GNG4: variants seen among roughly 807,000 people sequenced by gnomAD.
GNG4 encodes the protein guanine nucleotide-binding protein G(I)/G(S)/G(O) subunit gamma-4.
A neutral mutation model predicts 5.8 loss-of-function variants in GNG4; 4 were observed. The ratio of observed to expected loss-of-function variants is 0.69; its 90% CI spans 0.34 to 1.57. The LOEUF is 1.57. Among genes scored for constraint, GNG4 ranks in the 40% most tolerant of loss-of-function variants. The pLI is 0.06. For missense variants in GNG4, 96 were observed against 95.1 expected, an observed-to-expected ratio of 1.01 and a Z score of -0.04; for synonymous variants, 29 against 32.9, an observed-to-expected ratio of 0.88 and a Z score of 0.41.
chr1:235,583,612 C>T (rs942141523), intron 3 of GNG4, 128 bp downstream of exon 3: 5 of 620,982 alleles, frequency 8.1e-6, no homozygotes, highest in Non-Finnish European at 1.5e-5. Flanking sequence ...GTAAATGTTA[C>T]AGCTGCCAAG....
chr1:235,624,277 A>G (rs952859670), intron 1 of GNG4, among the ~76,000 whole-genome samples: 1 of 139,666 alleles, frequency 7.2e-6, no homozygotes, highest in South Asian at 2.3e-4. Flanking sequence ...TAATTTTTGT[A>G]TTTTTTTTTT....
At chr1:235,558,269 G>A (rs766205889) in intron 3 of GNG4, among the ~76,000 whole-genome samples, 5 of 152,120 alleles carry the variant, frequency 3.3e-5, no homozygotes, top group South Asian at 2.1e-4. Flanking sequence ...GCCCACTTAC[G>A]CACAGCTGCA....
chr1:235,587,293 G>GGCGA (rs1553367422), intron 2 of GNG4, among the ~76,000 whole-genome samples: 1 of 86,738 alleles, frequency 1.2e-5, no homozygotes, highest in Admixed American at 1.3e-4. Flanking sequence ...TGTGGGTTGG[G>GGCGA]GTGTGTGTGA....
chr1:235,588,195 T>G (rs1415683130), intron 2 of GNG4, among the ~76,000 whole-genome samples: 3 of 152,054 alleles, frequency 2.0e-5, no homozygotes, highest in Non-Finnish European at 4.4e-5. Flanking sequence ...TGTGGGAAGG[T>G]CCCACCAGCG....
chr1:235,630,946 T>C (rs979804253), intron 1 of GNG4, among the ~76,000 whole-genome samples: 13 of 152,148 alleles, frequency 8.5e-5, no homozygotes, highest in Middle Eastern at 3.4e-3. Flanking sequence ...TCACCCCGGC[T>C]GGAGTGCCGT....
intron 3 of GNG4, among the ~76,000 whole-genome samples, chr1:235,563,185 G>A (rs1687110782): frequency 6.6e-6 from 1 of 152,002 alleles, no homozygotes; most frequent in Non-Finnish European, 1.5e-5. Flanking sequence ...CACTTTGGGA[G>A]GCTGAGGTGG....
rs1267849239 is a variant in GNG4 at position 235,649,341 on chromosome 1, C to T, written c.-123+321G>A. ...GTGACCTACAAATGGAAGAGGGGAC[C>T]CCCGAGCCCCCGCCTGCCTCATGCC... On this transcript the variant is annotated intron_variant, in intron 1 of 3. Transcript: ENST00000391854. The surrounding 1 kb of genome is among the most constrained non-coding windows in gnomAD (Gnocchi z 5.7). 6.6e-6 allele frequency among the ~76,000 whole-genome samples: 1 copy of T among 152,212 alleles called. No individual in the cohort carries two copies. The highest frequency in any genetic ancestry group is 1.5e-5 in the Non-Finnish European group (1 of 68,022).
At chr1:235,629,089 C>T (rs1461951808) in intron 1 of GNG4, among the ~76,000 whole-genome samples, 1 of 150,042 alleles carries the variant, frequency 6.7e-6, no homozygotes, top group Non-Finnish European at 1.5e-5. Flanking sequence ...GCAATCACAG[C>T]TCATTACAGC....
intron 1 of GNG4, among the ~76,000 whole-genome samples, chr1:235,618,502 A>G (rs1387417781): frequency 6.6e-6 from 1 of 151,998 alleles, no homozygotes; most frequent in African/African-American, 2.4e-5. Context: ...CATGGATAAC[A>G]TGAGTTTCTT....
At chr1:235,573,359 G>T (rs992523504) in intron 3 of GNG4, among the ~76,000 whole-genome samples, 22 of 151,486 alleles carry the variant, frequency 1.5e-4, no homozygotes, top group African/African-American at 4.4e-4. Context: ...AGCATTAGGA[G>T]AAATGCCTAA....
intron 1 of GNG4, among the ~76,000 whole-genome samples, chr1:235,598,085 C>T (rs1688167548): frequency 6.6e-6 from 1 of 152,204 alleles, no homozygotes; most frequent in South Asian, 2.1e-4. Context: ...TTGCACACTA[C>T]ACTCCCCAGC....
At chr1:235,617,902 A>AG (rs200007252) in intron 1 of GNG4, among the ~76,000 whole-genome samples, 3,167 of 151,612 alleles carry the variant, frequency 0.021, 118 homozygotes, top group African/African-American at 0.072. Flanking sequence ...AAAAAAAAAA[A>AG]AAAAAAGAAA....
At chr1:235,601,687 T>C (rs563249843) in intron 1 of GNG4, among the ~76,000 whole-genome samples, 1 of 152,290 alleles carries the variant, frequency 6.6e-6, no homozygotes, top group African/African-American at 2.4e-5. Flanking sequence ...CCAGGGTCGC[T>C]TGCAGCTACG....
At chr1:235,556,243 AG>A (rs1686902648) in intron 3 of GNG4, among the ~76,000 whole-genome samples, 1 of 152,090 alleles carries the variant, frequency 6.6e-6, no homozygotes, top group Admixed American at 6.5e-5. Context: ...ACAAAGGTTA[AG>A]AAGGTCACCC....
intron 1 of GNG4, among the ~76,000 whole-genome samples, chr1:235,636,320 C>T (rs977058585): frequency 3.9e-5 from 6 of 152,240 alleles, no homozygotes; most frequent in African/African-American, 9.6e-5. Context: ...AAGTTTTAGA[C>T]GCTAAAGCCT....
chr1:235,648,023 CT>C lies in GNG4; in HGVS notation c.-123+1638del, dbSNP rs535842950. Among the ~76,000 whole-genome samples, 33 of 147,084 alleles carry C rather than the reference CT, an allele frequency of 2.2e-4. No individual in the cohort carries two copies. The highest frequency in any genetic ancestry group is 1.7e-3 in the South Asian group (8 of 4,596). On this transcript the variant is annotated intron_variant, in intron 1 of 3. Transcript: ENST00000391854. The surrounding 1 kb of genome is among the most constrained non-coding windows in gnomAD (Gnocchi z 5.0). Reference sequence around the variant, plus strand: ...AACTGTAAAGTGAATCTAGGAAAAGCTTTTTTTTTTTCTGGTTTCTCCACCA... The same window carrying C: ...AACTGTAAAGTGAATCTAGGAAAAGCTTTTTTTTTTCTGGTTTCTCCACCA...
At chr1:235,623,958 C>T (rs1041136533) in intron 1 of GNG4, among the ~76,000 whole-genome samples, 1 of 152,206 alleles carries the variant, frequency 6.6e-6, no homozygotes, top group Non-Finnish European at 1.5e-5. Flanking sequence ...AAAAACTCCA[C>T]AATGTTTAAA....
At chr1:235,592,195 T>C (rs111384534) in intron 2 of GNG4, among the ~76,000 whole-genome samples, 5,690 of 152,256 alleles carry the variant, frequency 0.037, 341 homozygotes, top group African/African-American at 0.13. Context: ...CAACTCTGAC[T>C]GCTGCTTTTG....
At chr1:235,612,791 G>A (rs896060536) in intron 1 of GNG4, among the ~76,000 whole-genome samples, 2 of 152,168 alleles carry the variant, frequency 1.3e-5, no homozygotes, top group African/African-American at 4.8e-5. Flanking sequence ...CCAAAGTGCT[G>A]GGATCACAGG....
Sources: gnomAD v4.1 joint callset for allele counts (sites outside exome capture counted in the v4.1 genomes callset) on GRCh38, gnomAD v4.1.1 for gene constraint, Gnocchi (gnomAD v3.1) non-coding constraint, MANE v1.5 for transcripts, NCBI Gene and HGNC (gene_info 2026-07-23, HGNC 2026-07-21) for gene names.